The following CNTNAP2 variants were observed in gnomAD, a reference collection of about 807,000 sequenced individuals.
CNTNAP2 encodes the protein contactin-associated protein-like 2.
Under a neutral mutation model 155.2 loss-of-function variants are expected in CNTNAP2, and 98 were observed. That is an observed-to-expected ratio of 0.63 (90% CI 0.54 to 0.75). The LOEUF (loss-of-function observed/expected upper bound fraction) is 0.75, where lower values mean the gene tolerates loss of function less well. CNTNAP2 is among the 30% of genes least tolerant of loss of function. The probability of loss-of-function intolerance (pLI) is 0.00; values close to 1 mark genes in which losing one functional copy is unlikely to be tolerated. For missense variants in CNTNAP2, 1,727 were observed against 1,688.1 expected (o/e 1.02, Z -0.40); for synonymous variants, 651 against 631.2 (o/e 1.03, Z -0.47).
intron 1 of CNTNAP2, among the ~76,000 whole-genome samples, chr7:146,147,379 T>G (rs535302804): frequency 4.6e-5 from 7 of 152,244 alleles, no homozygotes; most frequent in African/African-American, 1.4e-4. Flanking sequence ...ACAAACAAGA[T>G]TTAAAATACA....
At chr7:147,613,558 C>A (rs771605715) in intron 12 of CNTNAP2, among the ~76,000 whole-genome samples, 2 of 152,054 alleles carry the variant, frequency 1.3e-5, no homozygotes, top group African/African-American at 2.4e-5. Context: ...ATAGAAAAAG[C>A]CGGATGCAGT....
chr7:147,167,278 C>T, intron 8 of CNTNAP2: 1 of 390,676 alleles, frequency 2.6e-6, no homozygotes, highest in South Asian at 7.9e-5. Flanking sequence ...GTTGATTTTT[C>T]TTTAACGTTT....
intron 1 of CNTNAP2, among the ~76,000 whole-genome samples, chr7:146,488,247 T>C (rs954965978): frequency 1.4e-5 from 2 of 146,494 alleles, no homozygotes; most frequent in Non-Finnish European, 3.0e-5. Context: ...CTTTCTTTCC[T>C]CCCTTCCTCC....
chr7:146,703,284 G>A (rs73166402), intron 1 of CNTNAP2, among the ~76,000 whole-genome samples: 2,559 of 152,062 alleles, frequency 0.017, 70 homozygotes, highest in East Asian at 0.12. Flanking sequence ...TCTCTGGAGG[G>A]GTCTCTATGA....
intron 1 of CNTNAP2, among the ~76,000 whole-genome samples, chr7:146,730,094 C>T (rs1801498038): frequency 6.6e-6 from 1 of 152,112 alleles, no homozygotes; most frequent in African/African-American, 2.4e-5. Flanking sequence ...TTTCCTTTAT[C>T]ATCTGATGAT....
chr7:147,189,283 TTAA>T (rs1471054169), intron 8 of CNTNAP2, among the ~76,000 whole-genome samples: 5 of 152,198 alleles, frequency 3.3e-5, no homozygotes. Flanking sequence ...CAGAAAAACA[TTAA>T]TATTACGTTT....
intron 12 of CNTNAP2, among the ~76,000 whole-genome samples, chr7:147,588,137 T>C (rs1800668011): frequency 6.6e-6 from 1 of 152,158 alleles, no homozygotes; most frequent in African/African-American, 2.4e-5. Context: ...TTATAAATTA[T>C]GAATTTTTTT....
chr7:146,210,775 G>A (rs1390155741), intron 1 of CNTNAP2, among the ~76,000 whole-genome samples: 1 of 152,128 alleles, frequency 6.6e-6, no homozygotes, highest in Non-Finnish European at 1.5e-5. Flanking sequence ...CTAATGGCAA[G>A]GGGGCCAAGT....
intron 13 of CNTNAP2, among the ~76,000 whole-genome samples, chr7:147,872,248 C>G (rs754034744): frequency 6.6e-6 from 1 of 152,158 alleles, no homozygotes; most frequent in South Asian, 2.1e-4. Context: ...TGAGTGTTAA[C>G]ATATCAGATC....
chr7:146,900,809 G>A (rs2129213528), intron 3 of CNTNAP2, among the ~76,000 whole-genome samples: 1 of 152,116 alleles, frequency 6.6e-6, no homozygotes, highest in African/African-American at 2.4e-5. Context: ...ATGCTCACTT[G>A]GCTCTCTCTT....
chr7:146,441,801 G>A (rs576714615), intron 1 of CNTNAP2, among the ~76,000 whole-genome samples: 1 of 151,592 alleles, frequency 6.6e-6, no homozygotes, highest in Admixed American at 6.5e-5. Flanking sequence ...ACACAGAGAT[G>A]ATCAGATATT....
chr7:146,668,539 G>A (rs749610265), intron 1 of CNTNAP2, among the ~76,000 whole-genome samples: 1 of 151,564 alleles, frequency 6.6e-6, no homozygotes, highest in East Asian at 1.9e-4. Flanking sequence ...AATTCCCTCG[G>A]CTTCAATTTT....
chr7:146,525,230 C>T (rs1200200288), intron 1 of CNTNAP2, among the ~76,000 whole-genome samples: 1 of 152,066 alleles, frequency 6.6e-6, no homozygotes, highest in African/African-American at 2.4e-5. Context: ...CTGGTTCTCA[C>T]TTAACCAAAC....
At chr7:147,390,539 A>G (rs1295964681) in intron 9 of CNTNAP2, among the ~76,000 whole-genome samples, 1 of 152,044 alleles carries the variant, frequency 6.6e-6, no homozygotes, top group African/African-American at 2.4e-5. Flanking sequence ...AAGATAGCAG[A>G]CTCACATGGC....
intron 9 of CNTNAP2, among the ~76,000 whole-genome samples, chr7:147,368,013 T>TCC (rs139772323): frequency 3.8e-5 from 3 of 79,408 alleles, no homozygotes; most frequent in Admixed American, 1.4e-4. Context: ...TCTCTCTCTC[T>TCC]CCCCCCCCTC....
At chr7:147,907,061 AT>A (rs968424415) in intron 14 of CNTNAP2, among the ~76,000 whole-genome samples, 65 of 147,180 alleles carry the variant, frequency 4.4e-4, no homozygotes, top group Middle Eastern at 3.5e-3. Context: ...TATAATGAAT[AT>A]TTTTTTTTTT....
At chr7:148,102,686 T>C (rs1804126732) in intron 15 of CNTNAP2, among the ~76,000 whole-genome samples, 1 of 152,342 alleles carries the variant, frequency 6.6e-6, no homozygotes, top group African/African-American at 2.4e-5. Context: ...TGCCGCCATT[T>C]TGGATTGCAG....
chr7:146,838,057 A>C (rs1803651439), intron 2 of CNTNAP2, among the ~76,000 whole-genome samples: 1 of 152,162 alleles, frequency 6.6e-6, no homozygotes, highest in South Asian at 2.1e-4. Context: ...CACTTTACAC[A>C]GCTGTGCCCT....
chr7:147,175,875 T>G (rs1802328429), intron 8 of CNTNAP2, among the ~76,000 whole-genome samples: 1 of 152,170 alleles, frequency 6.6e-6, no homozygotes, highest in African/African-American at 2.4e-5. Context: ...CAGCATCAAT[T>G]TGCGAACCTT....
Sources: allele counts gnomAD v4.1 joint callset (sites outside exome capture counted in the v4.1 genomes callset), GRCh38; gene constraint gnomAD v4.1.1; transcripts MANE v1.5; gene names NCBI Gene and HGNC (gene_info 2026-07-23, HGNC 2026-07-21).